The following KALRN variants were observed in gnomAD, a reference collection of about 807,000 sequenced individuals.
KALRN encodes the protein kalirin.
In KALRN, 70 loss-of-function variants were observed where a neutral mutation model predicts 353.7. The observed-to-expected ratio is 0.20, with a 90% CI of 0.16 to 0.24. The LOEUF is 0.24. Among genes scored for constraint, KALRN ranks in the 10% least tolerant of loss-of-function variants. The probability of loss-of-function intolerance (pLI) is 1.00; values close to 1 mark genes in which losing one functional copy is unlikely to be tolerated. For synonymous variants in KALRN, 1,391 were observed against 1,434.8 expected (o/e 0.97, Z 0.69); for missense variants, 2,791 against 3,756.7 (o/e 0.74, Z 6.72).
intron 14 of KALRN, among the ~76,000 whole-genome samples, chr3:124,414,964 G>A (rs1321481824): frequency 6.6e-6 from 1 of 152,240 alleles, no homozygotes; most frequent in Non-Finnish European, 1.5e-5. Flanking sequence ...ACCTGAAAGA[G>A]TAAAGACCAG....
chr3:124,596,483 A>G (rs891156067), intron 34 of KALRN, among the ~76,000 whole-genome samples: 1 of 152,116 alleles, frequency 6.6e-6, no homozygotes, highest in Non-Finnish European at 1.5e-5. Flanking sequence ...CAAACAAACA[A>G]AAAAACCCCA....
chr3:124,185,948 A>T (rs1413065007), intron 1 of KALRN, among the ~76,000 whole-genome samples: 1 of 152,118 alleles, frequency 6.6e-6, no homozygotes, highest in African/African-American at 2.4e-5. Context: ...ATGGAGGAAG[A>T]CCTGTGGTAT....
intron 9 of KALRN, among the ~76,000 whole-genome samples, chr3:124,343,315 G>A (rs714379): frequency 0.25 from 38,726 of 151,882 alleles, 5,366 homozygotes; most frequent in Middle Eastern, 0.33. Flanking sequence ...GCACCACCAC[G>A]CCTGGCAATT....
intron 14 of KALRN, among the ~76,000 whole-genome samples, chr3:124,419,644 G>A (rs184465319): frequency 4.6e-4 from 70 of 152,240 alleles, no homozygotes; most frequent in Middle Eastern, 3.4e-3. Context: ...TGGCTCTGGC[G>A]TCAAGAAGCC....
At chr3:124,527,611 A>AAAG (rs757458052) in intron 33 of KALRN, among the ~76,000 whole-genome samples, 3 of 148,832 alleles carry the variant, frequency 2.0e-5, no homozygotes, top group East Asian at 3.9e-4. Context: ...AAAAAAAAAA[A>AAAG]AAGAAGAAGA....
At chr3:124,037,045 T>C (rs77226120) in intron 1 of KALRN, among the ~76,000 whole-genome samples, 2,980 of 152,310 alleles carry the variant, frequency 0.02, 89 homozygotes, top group African/African-American at 0.066. Context: ...ATTTTATTGA[T>C]CATAGTTATG....
At chr3:124,622,433 G>A (rs554874691) in intron 34 of KALRN, among the ~76,000 whole-genome samples, 11 of 152,242 alleles carry the variant, frequency 7.2e-5, no homozygotes, top group African/African-American at 2.2e-4. Context: ...ATGCCTTTGG[G>A]GTGTGCTTGA....
chr3:124,684,415 A>G (rs921003805), intron 51 of KALRN, among the ~76,000 whole-genome samples: 3 of 152,196 alleles, frequency 2.0e-5, no homozygotes, highest in Non-Finnish European at 2.9e-5. Context: ...ATTTCTGCCC[A>G]TCTTGGCTTT....
At chr3:124,543,110 T>C (rs1162717757) in intron 33 of KALRN, among the ~76,000 whole-genome samples, 1 of 151,956 alleles carries the variant, frequency 6.6e-6, no homozygotes, top group African/African-American at 2.4e-5. Context: ...TCCCCCGGAG[T>C]GAGTGATTTA....
chr3:124,125,939 G>T (rs1005104631), intron 1 of KALRN, among the ~76,000 whole-genome samples: 4 of 152,142 alleles, frequency 2.6e-5, no homozygotes, highest in South Asian at 2.1e-4. Context: ...CTTGGTTTGC[G>T]TCCTGACTCT....
chr3:124,234,051 C>A (rs980442112), intron 2 of KALRN, among the ~76,000 whole-genome samples: 62 of 152,262 alleles, frequency 4.1e-4, no homozygotes, highest in African/African-American at 1.5e-3. Flanking sequence ...AGCAACGATC[C>A]AAAATCCTGG....
chr3:124,060,510 C>T (rs1214383984), intron 1 of KALRN, among the ~76,000 whole-genome samples: 16 of 152,228 alleles, frequency 1.1e-4, no homozygotes, highest in Non-Finnish European at 2.4e-4. Context: ...AGGTGTCTGG[C>T]TCTCTTCTTA....
intron 10 of KALRN, among the ~76,000 whole-genome samples, chr3:124,377,197 C>G (rs755517236): frequency 8.5e-5 from 13 of 152,104 alleles, no homozygotes; most frequent in Non-Finnish European, 1.3e-4. Flanking sequence ...ATTAATAATA[C>G]CTATCTTATG....
chr3:124,504,380 T>C, intron 33 of KALRN, among the ~76,000 whole-genome samples: 1 of 152,174 alleles, frequency 6.6e-6, no homozygotes, highest in South Asian at 2.1e-4. Flanking sequence ...ATCTCCTGCC[T>C]GGTAAGTTGG....
chr3:124,095,360 T>C (rs2061378373), intron 1 of KALRN, among the ~76,000 whole-genome samples: 1 of 152,200 alleles, frequency 6.6e-6, no homozygotes, highest in Admixed American at 6.5e-5. Flanking sequence ...TCTGAGCTTG[T>C]TTACCCATCT....
At chr3:124,294,945 C>T (rs1322495609) in intron 5 of KALRN, among the ~76,000 whole-genome samples, 1 of 152,222 alleles carries the variant, frequency 6.6e-6, no homozygotes, top group Non-Finnish European at 1.5e-5. Flanking sequence ...GACTTTTCCA[C>T]AGTCTCATGT....
chr3:124,551,711 A>T (rs575273083), intron 33 of KALRN, among the ~76,000 whole-genome samples: 10 of 152,310 alleles, frequency 6.6e-5, no homozygotes, highest in African/African-American at 2.4e-4. Flanking sequence ...GAGGGACCCC[A>T]TTCCCCAACC....
At chr3:124,452,582 T>A (rs970000535) in intron 21 of KALRN, among the ~76,000 whole-genome samples, 9 of 152,156 alleles carry the variant, frequency 5.9e-5, no homozygotes, top group African/African-American at 2.2e-4. Context: ...GAACCACTCA[T>A]CACAGCAGGA....
chr3:124,044,831 TTCCC>T (rs1326617518), intron 1 of KALRN, among the ~76,000 whole-genome samples: 90 of 32,802 alleles, frequency 2.7e-3, no homozygotes, highest in African/African-American at 6.4e-3. Flanking sequence ...CCTTCCTTCC[TTCCC>T]TCCCTCCCTC....
Sources: gnomAD v4.1 joint callset for allele counts (sites outside exome capture counted in the v4.1 genomes callset) on GRCh38, gnomAD v4.1.1 for gene constraint, MANE v1.5 for transcripts, NCBI Gene and HGNC (gene_info 2026-07-23, HGNC 2026-07-21) for gene names.